ANO10: variants seen among roughly 807,000 people sequenced by gnomAD.
The protein encoded by ANO10 is anoctamin-10.
A neutral mutation model predicts 74.7 loss-of-function variants in ANO10; 77 were observed. The ratio of observed to expected loss-of-function variants is 1.03; its 90% confidence interval spans 0.86 to 1.25. The LOEUF (loss-of-function observed/expected upper bound fraction) is 1.25, where lower values mean the gene tolerates loss of function less well. ANO10 is among the 50% of genes most tolerant of loss of function. ANO10 has a pLI of 0.00. For synonymous variants in ANO10, 279 were observed against 284.9 expected, an observed-to-expected ratio of 0.98 and a Z score of 0.21; for missense variants, 721 against 778.1, an observed-to-expected ratio of 0.93 and a Z score of 0.87.
intron 11 of ANO10, among the ~76,000 whole-genome samples, chr3:43,504,300 G>A (rs200309145): frequency 9.3e-5 from 13 of 139,820 alleles, no homozygotes; most frequent in South Asian, 2.5e-4. Context: ...AGGTAGGTAG[G>A]TAGATAGATA....
At chr3:43,673,486 A>G (rs2149578401) in intron 1 of ANO10, among the ~76,000 whole-genome samples, 2 of 152,284 alleles carry the variant, frequency 1.3e-5, no homozygotes, top group South Asian at 4.1e-4. Flanking sequence ...ATGACAATAG[A>G]TGGATTTTGC....
intron 1 of ANO10, among the ~76,000 whole-genome samples, chr3:43,619,798 C>CA (rs1256504519): frequency 1.4e-5 from 2 of 147,808 alleles, no homozygotes; most frequent in African/African-American, 5.0e-5. Context: ...CCCCAGAGGT[C>CA]AAGGCTGCAG....
At chr3:43,569,130 A>T (rs1430130831) in intron 7 of ANO10, among the ~76,000 whole-genome samples, 2 of 149,518 alleles carry the variant, frequency 1.3e-5, no homozygotes, top group Non-Finnish European at 3.0e-5. Flanking sequence ...CCCAAGACTA[A>T]ACCAAGAAGA....
intron 1 of ANO10, among the ~76,000 whole-genome samples, chr3:43,681,274 C>A (rs1034397010): frequency 1.2e-4 from 18 of 152,084 alleles, no homozygotes; most frequent in African/African-American, 4.1e-4. Flanking sequence ...GCCGGGGCTG[C>A]AATCCTAGTC....
At chr3:43,369,244 AGGAACTC>A (rs1255590729) in intron 12 of ANO10, among the ~76,000 whole-genome samples, 1 of 152,258 alleles carries the variant, frequency 6.6e-6, no homozygotes, top group Non-Finnish European at 1.5e-5. Flanking sequence ...AGTTCAGGGA[AGGAACTC>A]GGAACCCACT....
intron 4 of ANO10, among the ~76,000 whole-genome samples, chr3:43,595,303 A>G (rs1396425348): frequency 6.6e-6 from 1 of 152,236 alleles, no homozygotes; most frequent in East Asian, 1.9e-4. Context: ...TGGCAGAGAC[A>G]CAACAAAAAA....
At chr3:43,389,957 C>T (rs13084253) in intron 12 of ANO10, among the ~76,000 whole-genome samples, 9 of 152,218 alleles carry the variant, frequency 5.9e-5, no homozygotes, top group African/African-American at 2.2e-4. Context: ...AGCCTAAAGG[C>T]CTTGACTCAA....
chr3:43,563,045 A>C (rs2080125207), intron 8 of ANO10, among the ~76,000 whole-genome samples: 1 of 152,236 alleles, frequency 6.6e-6, no homozygotes, highest in Admixed American at 6.5e-5. Flanking sequence ...TGAATGGGAG[A>C]AAAGATCTGC....
chr3:43,367,982 A>G (rs1203670079), intron 12 of ANO10, among the ~76,000 whole-genome samples: 10 of 152,050 alleles, frequency 6.6e-5, no homozygotes. Context: ...TCAGTGGGAG[A>G]AGCCCCTTTC....
At chr3:43,396,174 G>A (rs946802987) in intron 12 of ANO10, among the ~76,000 whole-genome samples, 3 of 151,858 alleles carry the variant, frequency 2.0e-5, no homozygotes, top group African/African-American at 4.8e-5. Context: ...CTTATACCAA[G>A]GGGAAAGCAT....
chr3:43,684,237 A>G (rs1160695210), intron 1 of ANO10, among the ~76,000 whole-genome samples: 1 of 152,228 alleles, frequency 6.6e-6, no homozygotes, highest in Non-Finnish European at 1.5e-5. Flanking sequence ...TTTACAAGAA[A>G]AAAACAAACA....
chr3:43,570,545 C>G (rs1469401967), intron 7 of ANO10, among the ~76,000 whole-genome samples: 3 of 152,192 alleles, frequency 2.0e-5, no homozygotes, highest in African/African-American at 7.2e-5. Context: ...CTACAACTAT[C>G]TGATCTTTGA....
intron 11 of ANO10, among the ~76,000 whole-genome samples, chr3:43,501,381 A>C (rs1020930737): frequency 6.6e-6 from 1 of 152,204 alleles, no homozygotes; most frequent in Non-Finnish European, 1.5e-5. Flanking sequence ...ATTAGGCACC[A>C]CAACATTACA....
chr3:43,648,066 G>A (rs887709908), intron 1 of ANO10, among the ~76,000 whole-genome samples: 4 of 152,164 alleles, frequency 2.6e-5, no homozygotes, highest in African/African-American at 9.6e-5. Flanking sequence ...CCAGGCTGAA[G>A]CCCAGGAGAC....
chr3:43,665,025 G>T (rs2149574690), intron 1 of ANO10, among the ~76,000 whole-genome samples: 1 of 152,260 alleles, frequency 6.6e-6, no homozygotes. Flanking sequence ...CCATTACTGG[G>T]TATATACCCA....
At chr3:43,486,012 C>G (rs148306714) in intron 11 of ANO10, 188 of 263,366 alleles carry the variant, frequency 7.1e-4, no homozygotes, top group African/African-American at 4.3e-3. Flanking sequence ...ATGGCTGCCA[C>G]AGGGCCAGCA....
chr3:43,604,751 G>C (rs902201109), intron 2 of ANO10, among the ~76,000 whole-genome samples: 5 of 152,000 alleles, frequency 3.3e-5, no homozygotes, highest in African/African-American at 1.2e-4. Context: ...AAAGATGGCT[G>C]GGAATACACT....
At chr3:43,371,560 A>G (rs2091612314) in intron 12 of ANO10, among the ~76,000 whole-genome samples, 1 of 152,220 alleles carries the variant, frequency 6.6e-6, no homozygotes, top group African/African-American at 2.4e-5. Flanking sequence ...GTAGAGAGCC[A>G]CTGCCTGAAA....
chr3:43,685,688 A>G (rs1445266153), intron 1 of ANO10, among the ~76,000 whole-genome samples: 1 of 152,228 alleles, frequency 6.6e-6, no homozygotes, highest in African/African-American at 2.4e-5. Flanking sequence ...CCTTGCCAAT[A>G]TTTAGCAGCA....
Sources: allele counts gnomAD v4.1 joint callset (sites outside exome capture counted in the v4.1 genomes callset), GRCh38; gene constraint gnomAD v4.1.1; transcripts MANE v1.5; gene names NCBI Gene and HGNC (gene_info 2026-07-23, HGNC 2026-07-21).